RGS6: variants seen among roughly 807,000 people sequenced by gnomAD.
RGS6 encodes the protein regulator of G protein signaling 6.
A neutral mutation model predicts 78.5 loss-of-function variants in RGS6; 30 were observed. The observed-to-expected ratio is 0.38, with a 90% CI of 0.29 to 0.52. RGS6 has a LOEUF of 0.52. Ranked by LOEUF, RGS6 falls within the 20% of genes least tolerant of loss-of-function variation. The pLI is 0.85. For synonymous variants in RGS6, 206 were observed against 206.0 expected (o/e 1.00, Z 0.00); for missense variants, 495 against 609.7 (o/e 0.81, Z 1.98).
intron 2 of RGS6, among the ~76,000 whole-genome samples, chr14:72,052,514 A>G (rs2093311699): frequency 6.6e-6 from 1 of 152,170 alleles, no homozygotes; most frequent in Non-Finnish European, 1.5e-5. Flanking sequence ...ACTTGTTTCC[A>G]GATGGTAGAC....
intron 3 of RGS6, among the ~76,000 whole-genome samples, chr14:72,400,660 C>G (rs2092280124): frequency 6.6e-6 from 1 of 152,158 alleles, no homozygotes; most frequent in African/African-American, 2.4e-5. Context: ...AGTATTGTTT[C>G]TATATTTGAA....
chr14:72,516,457 G>A lies in RGS6; in HGVS notation c.1092-1894G>A, dbSNP rs115365348. On this transcript the variant is annotated intron_variant, in intron 14 of 17. Transcript: ENST00000553525. ...CTCTGGACTCTGGATAAAGAAACACGACTGCTTTCCTCTCACCCAGAAGCC... is the reference window on the plus strand; with the variant it reads ...CTCTGGACTCTGGATAAAGAAACACAACTGCTTTCCTCTCACCCAGAAGCC... Among the ~76,000 whole-genome samples the A allele has an allele frequency of 9.5e-3, 1,443 of 152,218 alleles. 22 individuals are homozygous for A. Among genetic ancestry groups the A allele is most frequent in the African/African-American group, 0.033 (1,360 of 41,538 alleles).
chr14:72,027,217 A>AAG (rs57652090), intron 2 of RGS6, among the ~76,000 whole-genome samples: 81 of 149,042 alleles, frequency 5.4e-4, no homozygotes, highest in African/African-American at 1.4e-3. Flanking sequence ...CCTCTGCTTT[A>AAG]AGAGAGAGAG....
intron 17 of RGS6, among the ~76,000 whole-genome samples, chr14:72,546,461 T>G (rs1391640842): frequency 6.6e-6 from 1 of 152,214 alleles, no homozygotes; most frequent in Non-Finnish European, 1.5e-5. Flanking sequence ...TTTGAGACAC[T>G]GGGCCCTAGA....
rs147838133 is a variant in RGS6, at chr14:72,240,670, T to A, written c.85-111425T>A. On this transcript the variant is annotated intron_variant, in intron 2 of 17. Transcript: ENST00000553525. ...ATAAACACTTAAGCTTCCTTCTCAATATAAGAAGAGTTTGGGGTTTTTATT... is the reference window on the plus strand; with the variant it reads ...ATAAACACTTAAGCTTCCTTCTCAAAATAAGAAGAGTTTGGGGTTTTTATT... Among the ~76,000 whole-genome samples the A allele has an allele frequency of 1.1e-3, 170 of 152,326 alleles. 4 individuals carry two copies. In the East Asian group the frequency reaches 0.029, roughly 26 times the overall value.
chr14:72,388,249 C>T (rs1448801899), intron 3 of RGS6, among the ~76,000 whole-genome samples: 1 of 151,940 alleles, frequency 6.6e-6, no homozygotes, highest in Non-Finnish European at 1.5e-5. Flanking sequence ...CACACATACA[C>T]ATATATATAT....
chr14:72,588,362 C>T, the RGS6 span, among the ~76,000 whole-genome samples: 9 of 152,108 alleles, frequency 5.9e-5, no homozygotes, highest in African/African-American at 1.4e-4. Flanking sequence ...TCGTGAGAGA[C>T]GCCTCTGAGG....
chr14:71,884,908 A>G, the RGS6 span, among the ~76,000 whole-genome samples: 1 of 152,172 alleles, frequency 6.6e-6, no homozygotes, highest in Admixed American at 6.5e-5. Context: ...GTATAAGGGC[A>G]GGCACCTGAG....
At chr14:72,146,424 A>G (rs958874774) in intron 2 of RGS6, among the ~76,000 whole-genome samples, 5 of 152,200 alleles carry the variant, frequency 3.3e-5, no homozygotes, top group Admixed American at 1.3e-4. Context: ...ACTCATTCCA[A>G]CATCAGCTTA....
At chr14:72,578,549 C>A in the RGS6 span, among the ~76,000 whole-genome samples, 1 of 152,204 alleles carries the variant, frequency 6.6e-6, no homozygotes, top group Non-Finnish European at 1.5e-5. Flanking sequence ...GCTCCCTATT[C>A]CCATCGAAAT....
At chr14:72,216,518 C>T (rs1599697286) in intron 2 of RGS6, among the ~76,000 whole-genome samples, 1 of 152,052 alleles carries the variant, frequency 6.6e-6, no homozygotes, top group East Asian at 1.9e-4. Flanking sequence ...TCTTTCTAGG[C>T]CCTTTAAATG....
intron 6 of RGS6, among the ~76,000 whole-genome samples, chr14:72,461,674 A>G (rs2095786260): frequency 6.6e-6 from 1 of 152,104 alleles, no homozygotes; most frequent in East Asian, 1.9e-4. Flanking sequence ...CCTGGGTGAT[A>G]GAGGAAGACC....
At chr14:72,448,782 GGAAAGTTATACA>G (rs2095426918) in intron 3 of RGS6, among the ~76,000 whole-genome samples, 1 of 151,924 alleles carries the variant, frequency 6.6e-6, no homozygotes, top group Admixed American at 6.6e-5. Flanking sequence ...TATACTACTT[GGAAAGTTATACA>G]GAGTTAAGAG....
chr14:72,537,513 C>T, intron 16 of RGS6: 2 of 702,360 alleles, frequency 2.8e-6, no homozygotes, highest in Non-Finnish European at 5.2e-6. Flanking sequence ...CATCCCTCCC[C>T]ACAGGTGTGG....
intron 3 of RGS6, among the ~76,000 whole-genome samples, chr14:72,398,295 G>C (rs2091800185): frequency 1.3e-5 from 2 of 152,132 alleles, no homozygotes; most frequent in Non-Finnish European, 2.9e-5. Flanking sequence ...TGTATGTGTT[G>C]AGGAATTTAT....
chr14:72,010,218 G>A (rs1400459112), intron 2 of RGS6, among the ~76,000 whole-genome samples: 1 of 152,096 alleles, frequency 6.6e-6, no homozygotes, highest in Non-Finnish European at 1.5e-5. Context: ...AAATGTTTCA[G>A]GGCCTTATAA....
intron 2 of RGS6, among the ~76,000 whole-genome samples, chr14:72,042,123 CTTTTTCTTTTT>C (rs2092460360): frequency 8.0e-6 from 1 of 124,306 alleles, no homozygotes; most frequent in Non-Finnish European, 1.8e-5. Flanking sequence ...TTTTCTTTTT[CTTTTTCTTTTT>C]TTTTTTTTTT....
chr14:72,085,833 G>A (rs1222427508), intron 2 of RGS6, among the ~76,000 whole-genome samples: 2 of 109,620 alleles, frequency 1.8e-5, no homozygotes, highest in Non-Finnish European at 3.3e-5. Context: ...CAGCCAGGGA[G>A]ACAGAGTGAG....
chr14:72,536,130 TC>T, intron 15 of RGS6, 55 bp from the exon 16 acceptor site: 4 of 1,279,892 alleles, frequency 3.1e-6, no homozygotes, highest in Non-Finnish European at 4.6e-6. Flanking sequence ...ATTGTAATAT[TC>T]TTTAGCACTG....
Sources: allele counts gnomAD v4.1 joint callset (sites outside exome capture counted in the v4.1 genomes callset), GRCh38; gene constraint gnomAD v4.1.1; transcripts MANE v1.5; gene names NCBI Gene and HGNC (gene_info 2026-07-23, HGNC 2026-07-21).